The following SND1 variants were observed in gnomAD, a reference collection of about 807,000 sequenced individuals.
The protein encoded by SND1 is staphylococcal nuclease and tudor domain containing 1, also known as staphylococcal nuclease domain-containing protein 1.
SND1 carries 38 observed loss-of-function variants against 121.7 expected under a neutral mutation model. The ratio of observed to expected loss-of-function variants is 0.31; its 90% confidence interval spans 0.24 to 0.41. SND1 has a LOEUF of 0.41. SND1 is among the 10% of genes least tolerant of loss of function. The probability of loss-of-function intolerance (pLI) is 1.00; values close to 1 mark genes in which losing one functional copy is unlikely to be tolerated. For synonymous variants in SND1, 401 were observed against 447.4 expected (o/e 0.90, Z 1.31); for missense variants, 868 against 1,184.6 (o/e 0.73, Z 3.92).
intron 16 of SND1, among the ~76,000 whole-genome samples, chr7:128,033,719 G>C (rs775607689): frequency 6.6e-6 from 1 of 152,162 alleles, no homozygotes; most frequent in African/African-American, 2.4e-5. Flanking sequence ...CCCTTACTCT[G>C]TATTCCACTG....
intron 10 of SND1, among the ~76,000 whole-genome samples, chr7:127,745,629 G>A (rs1796968140): frequency 6.6e-6 from 1 of 152,212 alleles, no homozygotes; most frequent in Non-Finnish European, 1.5e-5. Context: ...CCAGGGGAAA[G>A]TGAGATCAGA....
At chr7:127,778,768 G>T (rs1683502053) in intron 10 of SND1, among the ~76,000 whole-genome samples, 1 of 152,086 alleles carries the variant, frequency 6.6e-6, no homozygotes, top group South Asian at 2.1e-4. Flanking sequence ...TTATTTAGTG[G>T]TTATTAGTGT....
intron 16 of SND1, among the ~76,000 whole-genome samples, chr7:128,054,167 T>C (rs1793097352): frequency 6.6e-6 from 1 of 152,172 alleles, no homozygotes. Context: ...ACAGGCTTAC[T>C]TATGCAGACC....
chr7:127,950,597 C>T (rs1480315420), intron 15 of SND1, among the ~76,000 whole-genome samples: 1 of 152,192 alleles, frequency 6.6e-6, no homozygotes, highest in Non-Finnish European at 1.5e-5. Flanking sequence ...CTGTACATGA[C>T]TTTCCCTCCC....
intron 1 of SND1, among the ~76,000 whole-genome samples, chr7:127,680,364 G>T (rs914429401): frequency 7.2e-5 from 11 of 152,114 alleles, no homozygotes; most frequent in Admixed American, 7.2e-4. Context: ...AAATTTATTA[G>T]GTGGGAATTT....
intron 14 of SND1, among the ~76,000 whole-genome samples, chr7:127,925,615 T>G (rs1313709588): frequency 6.6e-6 from 1 of 151,944 alleles, no homozygotes; most frequent in Non-Finnish European, 1.5e-5. Flanking sequence ...TTCTTTTTTT[T>G]TTTTTTGAAA....
At chr7:127,728,306 A>G (rs1796616782) in intron 10 of SND1, among the ~76,000 whole-genome samples, 1 of 151,978 alleles carries the variant, frequency 6.6e-6, no homozygotes, top group Non-Finnish European at 1.5e-5. Flanking sequence ...CTATCAATCC[A>G]TATCTCTCTC....
chr7:127,880,792 G>A (rs1016534411), intron 12 of SND1, among the ~76,000 whole-genome samples: 5 of 152,036 alleles, frequency 3.3e-5, no homozygotes, highest in Admixed American at 1.3e-4. Context: ...GGCCCAGAAC[G>A]TGATACCCCA....
At chr7:128,091,536 C>G (rs1167236526) in intron 22 of SND1, among the ~76,000 whole-genome samples, 1 of 152,002 alleles carries the variant, frequency 6.6e-6, no homozygotes, top group Non-Finnish European at 1.5e-5. Context: ...ATGGGGTTGC[C>G]CGAGACCTCA....
intron 15 of SND1, among the ~76,000 whole-genome samples, chr7:127,945,408 G>A (rs995161907): frequency 6.6e-6 from 1 of 151,940 alleles, no homozygotes; most frequent in Admixed American, 6.6e-5. Flanking sequence ...GGAGAATGGC[G>A]TGAACCCAGG....
rs1206314248 is a variant in SND1, at chr7:127,992,814, G to A, written c.1779+1758G>A. On this transcript the variant is annotated intron_variant, in intron 16 of 23. Transcript: ENST00000354725. Reference sequence around the variant, plus strand: ...TACTGATCACTAAAAGGAGTGAGTGGCCCAAAACTCTTTTACTCTCCCATG... The same window carrying A: ...TACTGATCACTAAAAGGAGTGAGTGACCCAAAACTCTTTTACTCTCCCATG... Among the ~76,000 whole-genome samples, 4 of 152,240 alleles carry A rather than the reference G, an allele frequency of 2.6e-5. No homozygotes were observed. In the South Asian group the frequency reaches 6.2e-4, roughly 24 times the overall value.
At chr7:127,978,823 A>G (rs185724077) in intron 15 of SND1, among the ~76,000 whole-genome samples, 1,615 of 152,212 alleles carry the variant, frequency 0.011, 8 homozygotes, top group Non-Finnish European at 0.016. Flanking sequence ...AGTAGCTGGG[A>G]TTACAGGCGC....
intron 15 of SND1, among the ~76,000 whole-genome samples, chr7:127,940,966 G>C (rs1286243194): frequency 1.3e-5 from 2 of 152,202 alleles, no homozygotes; most frequent in African/African-American, 4.8e-5. Context: ...CCCCATGTAT[G>C]GGGGGCTCTG....
At chr7:127,847,265 T>C (rs1799082975) in intron 12 of SND1, among the ~76,000 whole-genome samples, 1 of 152,046 alleles carries the variant, frequency 6.6e-6, no homozygotes, top group South Asian at 2.1e-4. Context: ...GAGTGAGACT[T>C]TGTCTCAAAA....
intron 22 of SND1, among the ~76,000 whole-genome samples, chr7:128,090,685 C>T (rs1269764064): frequency 1.2e-4 from 19 of 152,176 alleles, no homozygotes; most frequent in Admixed American, 1.2e-3. Flanking sequence ...TTCTCCCAGC[C>T]CTCCTGGCCT....
chr7:127,982,306 A>G (rs1432079792), intron 15 of SND1, among the ~76,000 whole-genome samples: 4 of 152,224 alleles, frequency 2.6e-5, no homozygotes, highest in Admixed American at 6.5e-5. Context: ...TGCATCAAAC[A>G]TTACAAAATC....
intron 16 of SND1, among the ~76,000 whole-genome samples, chr7:128,071,120 C>T (rs1056581025): frequency 6.6e-6 from 1 of 152,164 alleles, no homozygotes; most frequent in Admixed American, 6.5e-5. Context: ...GTCTAGTGTT[C>T]CTGAGTGCAG....
chr7:127,686,363 G>A (rs1795812748), intron 1 of SND1, among the ~76,000 whole-genome samples: 1 of 152,192 alleles, frequency 6.6e-6, no homozygotes, highest in Non-Finnish European at 1.5e-5. Flanking sequence ...ACCCCAGTCT[G>A]TTTATTCTAT....
chr7:128,006,271 G>A (rs1315528525), intron 16 of SND1, among the ~76,000 whole-genome samples: 2 of 152,094 alleles, frequency 1.3e-5, no homozygotes, highest in African/African-American at 4.8e-5. Flanking sequence ...GCCTCACTGG[G>A]AACAGTATCT....
Sources: gnomAD v4.1 joint callset for allele counts (sites outside exome capture counted in the v4.1 genomes callset) on GRCh38, gnomAD v4.1.1 for gene constraint, MANE v1.5 for transcripts, NCBI Gene and HGNC (gene_info 2026-07-23, HGNC 2026-07-21) for gene names.